The following AGAP1 variants were observed in gnomAD, a reference collection of about 807,000 sequenced individuals.
The protein encoded by AGAP1 is arf-GAP with GTPase, ANK repeat and PH domain-containing protein 1.
AGAP1 carries 29 observed loss-of-function variants against 105.3 expected under a neutral mutation model. That is an observed-to-expected ratio of 0.28 (90% CI 0.21 to 0.38). The LOEUF (loss-of-function observed/expected upper bound fraction) is 0.38. Among genes scored for constraint, AGAP1 ranks in the 10% least tolerant of loss-of-function variants. The probability of loss-of-function intolerance (pLI) is 1.00; values close to 1 mark genes in which losing one functional copy is unlikely to be tolerated. For synonymous variants in AGAP1, 509 were observed against 485.9 expected (o/e 1.05, Z -0.63); for missense variants, 998 against 1,165.1 (o/e 0.86, Z 2.09).
At chr2:235,506,287 C>G (rs983138749) in intron 1 of AGAP1, among the ~76,000 whole-genome samples, 5 of 151,998 alleles carry the variant, frequency 3.3e-5, no homozygotes, top group African/African-American at 1.2e-4. Context: ...AAATTTGAAG[C>G]CAGGTGCGGT....
At chr2:235,911,680 C>T (rs1200329988) in intron 11 of AGAP1, among the ~76,000 whole-genome samples, 1 of 152,192 alleles carries the variant, frequency 6.6e-6, no homozygotes, top group African/African-American at 2.4e-5. Flanking sequence ...GTTGTGTGTC[C>T]TTGGAAGGCA....
chr2:235,865,742 T>G lies in AGAP1; in HGVS notation c.1051-17603T>G, dbSNP rs1422056085. Reference sequence around the variant, plus strand: ...TTCCTGCTGTTCCTATGGAAACACTTTAAACTAGAGAGAAAGTTAAAAAGA... The same window carrying G: ...TTCCTGCTGTTCCTATGGAAACACTGTAAACTAGAGAGAAAGTTAAAAAGA... On this transcript the variant is annotated intron_variant, in intron 9 of 17. Transcript: ENST00000304032. The surrounding 1 kb of genome is among the most constrained non-coding windows in gnomAD (Gnocchi z 6.2). Among the ~76,000 whole-genome samples the G allele has an allele frequency of 1.3e-5, 2 of 152,196 alleles. No individual in the cohort carries two copies. Among genetic ancestry groups the G allele is most frequent in the Non-Finnish European group, 2.9e-5 (2 of 68,040 alleles).
intron 1 of AGAP1, among the ~76,000 whole-genome samples, chr2:235,661,342 A>G (rs752438748): frequency 6.6e-6 from 1 of 152,114 alleles, no homozygotes; most frequent in Non-Finnish European, 1.5e-5. Context: ...CCTGAAGGAA[A>G]GGCGGTGATT....
In AGAP1 at chr2:235,882,638, A is replaced by G; in HGVS notation, c.1051-707A>G. ...ACCACTGCGTCCAGCTAATTTTTGT[A>G]TTTTTAGTAGAGACAGGGTTTCACC... On this transcript the variant is annotated intron_variant, in intron 9 of 17. Transcript: ENST00000304032. The surrounding 1 kb of genome is among the most constrained non-coding windows in gnomAD (Gnocchi z 4.6). The G allele has an allele frequency of 2.6e-6, 1 of 379,624 alleles. No homozygotes were observed. The highest frequency in any genetic ancestry group is 2.9e-5 in the South Asian group (1 of 34,580). 23.5% of individuals were successfully genotyped at this position (379,624 alleles called of 1,614,324 possible).
In AGAP1 at chr2:236,014,510, G is replaced by A. The variant is rs116826939; in HGVS notation, c.1646-22051G>A. On this transcript the variant is annotated intron_variant, in intron 13 of 17. Coordinates refer to ENST00000304032, the MANE Select transcript of AGAP1 (RefSeq NM_001037131.3). This position sits in a 1 kb window ranked among gnomAD's most constrained non-coding sequence, Gnocchi z 6.3. ...TTTTTGTGCTGTTTTGAGTAGCCAC[G>A]TGTGAAACCCAGCAGGGCGAAGCAG... Among the ~76,000 whole-genome samples, 3,000 of 152,228 alleles carry A rather than the reference G, an allele frequency of 0.02. 90 individuals are homozygous for A. Among genetic ancestry groups the A allele is most frequent in the African/African-American group, 0.067 (2,800 of 41,536 alleles).
At chr2:235,504,913 G>A (rs911607284) in intron 1 of AGAP1, among the ~76,000 whole-genome samples, 4 of 152,182 alleles carry the variant, frequency 2.6e-5, no homozygotes, top group Non-Finnish European at 5.9e-5. Flanking sequence ...GAATAATGAC[G>A]GCTGTGTGCA....
At chr2:236,037,898 G>A (rs1288798687) in intron 14 of AGAP1, among the ~76,000 whole-genome samples, 1 of 152,168 alleles carries the variant, frequency 6.6e-6, no homozygotes, top group Admixed American at 6.5e-5. Context: ...GAGAAAGGAT[G>A]TTACCCACCG....
In AGAP1 at chr2:236,041,610, G is replaced by A. The variant is rs182351819; in HGVS notation, c.1891+769G>A. On this transcript the variant is annotated intron_variant, in intron 15 of 17. Coordinates refer to ENST00000304032, the MANE Select transcript of AGAP1 (RefSeq NM_001037131.3). ...CAGTCCCAGCCCAGAGACAGTATTG[G>A]AGACATTCAGTAAATTTCTTCCCTT... Among the ~76,000 whole-genome samples the A allele has an allele frequency of 1.4e-3, 214 of 152,306 alleles. 1 individual carries two copies. The Middle Eastern group carries it at 0.031, about 22-fold the overall frequency.
Position 235,691,143 on chromosome 2 carries a change from G to A in AGAP1, c.164-18036G>A, listed in dbSNP as rs1359518044. ...GGCCAGCAAGGAGTCTGCCCCATGCGATTCTGAGGCCTTGGTCCCTTCTGA... is the reference window on the plus strand; with the variant it reads ...GGCCAGCAAGGAGTCTGCCCCATGCAATTCTGAGGCCTTGGTCCCTTCTGA... On this transcript the variant is annotated intron_variant, in intron 1 of 17. Coordinates refer to ENST00000304032, the MANE Select transcript of AGAP1 (RefSeq NM_001037131.3). This position sits in a 1 kb window ranked among gnomAD's most constrained non-coding sequence, Gnocchi z 4.4. 1.3e-5 allele frequency among the ~76,000 whole-genome samples: 2 copies of A among 152,146 alleles called. No homozygotes were observed. Among genetic ancestry groups the A allele is most frequent in the African/African-American group, 2.4e-5 (1 of 41,446 alleles).
intron 9 of AGAP1, among the ~76,000 whole-genome samples, chr2:235,838,670 A>T (rs989198602): frequency 3.9e-5 from 6 of 152,270 alleles, no homozygotes; most frequent in African/African-American, 1.4e-4. Flanking sequence ...GGCTTGTCTC[A>T]GTAACTGCTG....
chr2:235,816,432 C>T (rs6754624), intron 9 of AGAP1, among the ~76,000 whole-genome samples: 6,190 of 107,086 alleles, frequency 0.058, 464 homozygotes, highest in African/African-American at 0.18. Context: ...AGCGAGACTC[C>T]GTCTCAAAAA....
At chr2:236,048,487 A>G (rs2057791673) in intron 15 of AGAP1, among the ~76,000 whole-genome samples, 2 of 152,244 alleles carry the variant, frequency 1.3e-5, no homozygotes, top group East Asian at 3.9e-4. Flanking sequence ...CAGTAGCTAT[A>G]GTTAAATAAG....
At chr2:235,782,721 A>T (rs767877723) in intron 6 of AGAP1, among the ~76,000 whole-genome samples, 1 of 152,200 alleles carries the variant, frequency 6.6e-6, no homozygotes, top group Non-Finnish European at 1.5e-5. Context: ...AGGAAAGTCT[A>T]CCTTCTTTGG....
At chr2:235,595,883 A>G (rs951623020) in intron 1 of AGAP1, among the ~76,000 whole-genome samples, 12 of 152,232 alleles carry the variant, frequency 7.9e-5, no homozygotes, top group East Asian at 3.8e-4. Context: ...GAATAAATCA[A>G]CATAAACTAG....
At chr2:235,781,975 T>G (rs1249263210) in intron 6 of AGAP1, among the ~76,000 whole-genome samples, 1 of 152,200 alleles carries the variant, frequency 6.6e-6, no homozygotes, top group Non-Finnish European at 1.5e-5. Flanking sequence ...CTAGACCCAG[T>G]GACACAATGT....
rs1314651271 is a variant in AGAP1 at position 236,076,996 on chromosome 2, G to A, written c.2114+27715G>A. 2.0e-5 allele frequency among the ~76,000 whole-genome samples: 3 copies of A among 151,020 alleles called. No individual in the cohort carries two copies. The highest frequency in any genetic ancestry group is 7.3e-5 in the African/African-American group (3 of 41,158). On this transcript the variant is annotated intron_variant, in intron 16 of 17. Coordinates refer to ENST00000304032, the MANE Select transcript of AGAP1 (RefSeq NM_001037131.3). This position sits in a 1 kb window ranked among gnomAD's most constrained non-coding sequence, Gnocchi z 4.4. ...CATGGTGGTGCATGTCTGTGTCCCA[G>A]CTACTCCAGAGGCTGAGGCGGGAGG...
At chr2:235,726,132 C>A in intron 3 of AGAP1, among the ~76,000 whole-genome samples, 1 of 152,146 alleles carries the variant, frequency 6.6e-6, no homozygotes, top group South Asian at 2.1e-4. Flanking sequence ...TGCATTGGAG[C>A]CTGTGTTCCA....
At chr2:235,821,603 A>G (rs1169347175) in intron 9 of AGAP1, among the ~76,000 whole-genome samples, 1 of 151,940 alleles carries the variant, frequency 6.6e-6, no homozygotes, top group Non-Finnish European at 1.5e-5. Context: ...TAATACAAAG[A>G]CTCCATATAC....
In AGAP1 at chr2:235,971,580, C is replaced by T. The variant is rs916847896; in HGVS notation, c.1645+2957C>T. 2.6e-5 allele frequency among the ~76,000 whole-genome samples: 4 copies of T among 151,802 alleles called. No individual in the cohort carries two copies. Among genetic ancestry groups the T allele is most frequent in the Admixed American group, 6.5e-5 (1 of 15,268 alleles). On this transcript the variant is annotated intron_variant, in intron 13 of 17. Transcript: ENST00000304032. The surrounding 1 kb of genome is among the most constrained non-coding windows in gnomAD (Gnocchi z 4.8). Reference sequence around the variant, plus strand: ...TGGGCATGGTGGCAGGTCCCAGCTACTTGGGAGGCTGAGGCAGGAGAATGG... The same window carrying T: ...TGGGCATGGTGGCAGGTCCCAGCTATTTGGGAGGCTGAGGCAGGAGAATGG...
Sources: allele counts gnomAD v4.1 joint callset (sites outside exome capture counted in the v4.1 genomes callset), GRCh38; gene constraint gnomAD v4.1.1; non-coding constraint Gnocchi (gnomAD v3.1); transcripts MANE v1.5; gene names NCBI Gene and HGNC (gene_info 2026-07-23, HGNC 2026-07-21).